Variants in HSPA12A observed in about 807,000 individuals in gnomAD.
HSPA12A encodes the protein heat shock protein family A (Hsp70) member 12A.
A neutral mutation model predicts 69.2 loss-of-function variants in HSPA12A; 28 were observed. The ratio of observed to expected loss-of-function variants is 0.40; its 90% CI spans 0.30 to 0.55. The LOEUF (loss-of-function observed/expected upper bound fraction) is 0.55. Ranked by LOEUF, HSPA12A falls within the 20% of genes least tolerant of loss-of-function variation. The pLI, the probability that HSPA12A is intolerant of heterozygous loss-of-function variation, is 0.38. For synonymous variants in HSPA12A, 345 were observed against 370.5 expected, an observed-to-expected ratio of 0.93 and a Z score of 0.79; for missense variants, 686 against 900.7, an observed-to-expected ratio of 0.76 and a Z score of 3.05.
rs576355462 is a variant in HSPA12A, at chr10:116,672,259, CCGACCCGGAA to C, written c.*2512_*2521del. 3 of 152,204 alleles carry C rather than the reference CCGACCCGGAA, an allele frequency of 2.0e-5. No homozygotes were observed. Among genetic ancestry groups the C allele is most frequent in the Non-Finnish European group, 4.4e-5 (3 of 68,056 alleles). 9.4% of individuals were successfully genotyped at this position (152,204 alleles called of 1,614,324 possible). A position where few individuals can be genotyped will look rare whatever the true frequency, so the allele number is the denominator to read the frequency against. ...ACGCTTTGCCCTCAGAGTGACTGCTCCGACCCGGAAGGAGAGGTCAACGACCCCTCAGGAC... is the reference window on the plus strand; with the variant it reads ...ACGCTTTGCCCTCAGAGTGACTGCTCGGAGAGGTCAACGACCCCTCAGGAC... On this transcript the variant is annotated 3_prime_UTR_variant, in exon 12 of 12. Coordinates refer to ENST00000369209, the MANE Select transcript of HSPA12A (RefSeq NM_025015.3).
chr10:116,713,650 C>T (rs1850516426), intron 1 of HSPA12A, among the ~76,000 whole-genome samples: 1 of 152,182 alleles, frequency 6.6e-6, no homozygotes, highest in Non-Finnish European at 1.5e-5. Context: ...AAACTGTCAA[C>T]AGGGGTGGTT....
At chr10:116,746,580 T>G (rs1348626402), upstream of HSPA12A, among the ~76,000 whole-genome samples, 1 of 152,206 alleles carries the variant, frequency 6.6e-6, no homozygotes, top group East Asian at 1.9e-4. Flanking sequence ...GTCTGTTTCC[T>G]CACCTGTCAA....
rs1277422010 is a variant in HSPA12A, at chr10:116,726,012, G to GAC, written c.40+16416_40+16417dup. 2.0e-4 allele frequency among the ~76,000 whole-genome samples: 14 copies of GAC among 70,574 alleles called. No homozygotes were observed. In the South Asian group the frequency reaches 2.9e-3, roughly 14 times the overall value. 46.3% of individuals were successfully genotyped at this position (70,574 alleles called of 152,430 possible). A position where few individuals can be genotyped will look rare whatever the true frequency, so the allele number is the denominator to read the frequency against. ...ATATTCATTCAACATACAAGGTTTA[G>GAC]ACACACACACACACGCACACACACA... On this transcript the variant is annotated intron_variant, in intron 1 of 11. Coordinates refer to ENST00000369209, the MANE Select transcript of HSPA12A (RefSeq NM_025015.3).
At chr10:116,708,306 G>A (rs941777875) in intron 1 of HSPA12A, 6 of 152,120 alleles carry the variant, frequency 3.9e-5, no homozygotes, top group African/African-American at 1.4e-4. Flanking sequence ...GCTCCGTTTA[G>A]TACATACGTA....
intron 1 of HSPA12A, among the ~76,000 whole-genome samples, chr10:116,719,141 T>C (rs1236948153): frequency 6.6e-6 from 1 of 152,184 alleles, no homozygotes; most frequent in Admixed American, 6.5e-5. Flanking sequence ...ATTTTTACAT[T>C]TGGGGTGTGA....
At chr10:116,784,534 T>A (rs1844534359) in intron 2 of HSPA12A, among the ~76,000 whole-genome samples, 1 of 152,224 alleles carries the variant, frequency 6.6e-6, no homozygotes, top group South Asian at 2.1e-4. Flanking sequence ...AGGTGCTCAA[T>A]AAAGGTTTGT....
At position 116,839,798 on chromosome 10, in the gene HSPA12A, A is replaced by C. The variant is rs141576009; in HGVS notation, c.4-4776T>G. Among the ~76,000 whole-genome samples the C allele has an allele frequency of 1.2e-4, 18 of 152,208 alleles. 1 individual carries two copies. The East Asian group carries it at 3.5e-3, about 29-fold the overall frequency. ...CTGCATGATCGTAAACATAGTAATC[A>C]TATGGACTGATCCTGATGTGGCAGC... On this transcript the variant is annotated intron_variant, in intron 1 of 12. Transcript: ENST00000635765.
chr10:116,781,919 T>C (rs1292870371), intron 2 of HSPA12A, among the ~76,000 whole-genome samples: 2 of 152,126 alleles, frequency 1.3e-5, no homozygotes, highest in African/African-American at 4.8e-5. Context: ...ATTAAGATCA[T>C]AACATTCATC....
chr10:116,805,464 A>T (rs1176696549), intron 2 of HSPA12A, among the ~76,000 whole-genome samples: 2 of 152,192 alleles, frequency 1.3e-5, no homozygotes, highest in Non-Finnish European at 2.9e-5. Context: ...TTTCCTTAAC[A>T]ATGATGGGAA....
intron 6 of HSPA12A, 146 bp downstream of exon 6, chr10:116,692,205 G>A: frequency 1.5e-6 from 1 of 648,092 alleles, no homozygotes. Context: ...TTGTCTCCCA[G>A]CTCCCACCCT....
At chr10:116,757,761 G>C (rs1843883387) in intron 2 of HSPA12A, among the ~76,000 whole-genome samples, 6 of 152,148 alleles carry the variant, frequency 3.9e-5, no homozygotes, top group Admixed American at 3.9e-4. Context: ...GATTAAACGA[G>C]TTCATACATG....
chr10:116,765,997 C>T (rs923361853), intron 2 of HSPA12A, among the ~76,000 whole-genome samples: 10 of 152,334 alleles, frequency 6.6e-5, no homozygotes, highest in African/African-American at 1.7e-4. Context: ...CTCCAACGCA[C>T]GGATGAGCCA....
chr10:116,811,283 C>T lies in HSPA12A; in HGVS notation c.91+23652G>A, dbSNP rs573093730. Among the ~76,000 whole-genome samples the T allele has an allele frequency of 8.7e-4, 132 of 152,250 alleles. 3 individuals are homozygous for T. In the South Asian group the frequency reaches 0.026, roughly 30 times the overall value. On this transcript the variant is annotated intron_variant, in intron 2 of 12. Transcript: ENST00000635765. ...GTGGCCAATGCAGAATCAGAGGGAG[C>T]TGAGAGAGACTGAGGCTGAGACTAT... is the stretch of plus-strand genomic sequence containing the variant.
intron 1 of HSPA12A, among the ~76,000 whole-genome samples, chr10:116,727,933 G>T (rs12415735): frequency 1.5e-4 from 16 of 108,314 alleles, no homozygotes; most frequent in East Asian, 5.4e-4. Context: ...AATTTTTTTG[G>T]GGGGGGGACA....
intron 5 of HSPA12A, among the ~76,000 whole-genome samples, chr10:116,694,462 G>A (rs1554880490): frequency 6.6e-6 from 1 of 152,134 alleles, no homozygotes; most frequent in Admixed American, 6.5e-5. Context: ...AAGTTCCCTG[G>A]AGTCTCTCTG....
At chr10:116,705,948 C>A (rs529273667) in intron 2 of HSPA12A, among the ~76,000 whole-genome samples, 1 of 142,246 alleles carries the variant, frequency 7.0e-6, no homozygotes, top group Non-Finnish European at 1.5e-5. Flanking sequence ...CAGGCTGGAG[C>A]GCAGTGGCCC....
chr10:116,756,059 T>A (rs1053954581), intron 2 of HSPA12A, among the ~76,000 whole-genome samples: 1 of 152,190 alleles, frequency 6.6e-6, no homozygotes, highest in Admixed American at 6.5e-5. Context: ...ACTAAAAGTA[T>A]GCCTGCATAC....
chr10:116,676,342 G>T, intron 11 of HSPA12A, 57 bp downstream of exon 11: 1 of 1,400,826 alleles, frequency 7.1e-7, no homozygotes. Context: ...TGCTGGGAAA[G>T]CCCATCCCCT....
At chr10:116,714,329 C>A (rs1554883514) in intron 1 of HSPA12A, among the ~76,000 whole-genome samples, 2 of 152,142 alleles carry the variant, frequency 1.3e-5, no homozygotes, top group African/African-American at 4.8e-5. Context: ...TCTCAAACCA[C>A]CCAGGTCTGC....
Sources: gnomAD v4.1 joint callset for allele counts (sites outside exome capture counted in the v4.1 genomes callset) on GRCh38, gnomAD v4.1.1 for gene constraint, MANE v1.5 for transcripts, NCBI Gene and HGNC (gene_info 2026-07-23, HGNC 2026-07-21) for gene names.